The following ELMO1 variants were observed in gnomAD, a reference collection of about 807,000 sequenced individuals.
ELMO1 encodes the protein engulfment and cell motility 1.
In ELMO1, 26 loss-of-function variants were observed where a neutral mutation model predicts 98.9. The observed-to-expected ratio is 0.26, with a 90% CI of 0.19 to 0.36. ELMO1 has a LOEUF of 0.36. Ranked by LOEUF, ELMO1 falls within the 10% of genes least tolerant of loss-of-function variation. The pLI is 1.00. For synonymous variants in ELMO1, 346 were observed against 346.0 expected (o/e 1.00, Z 0.00); for missense variants, 627 against 935.2 (o/e 0.67, Z 4.30).
chr7:36,873,705 C>A (rs956549841), intron 19 of ELMO1, among the ~76,000 whole-genome samples: 4 of 152,244 alleles, frequency 2.6e-5, no homozygotes, highest in Admixed American at 2.0e-4. Flanking sequence ...CCCCCCAAAT[C>A]ATGCTGAGCA....
At chr7:37,145,003 GTCT>G (rs1172629121) in intron 13 of ELMO1, among the ~76,000 whole-genome samples, 2 of 152,272 alleles carry the variant, frequency 1.3e-5, no homozygotes, top group Non-Finnish European at 2.9e-5. Flanking sequence ...ATCTAGGCTG[GTCT>G]TCTTATTTTA....
At chr7:36,881,393 G>A (rs946618758) in intron 18 of ELMO1, among the ~76,000 whole-genome samples, 2 of 152,194 alleles carry the variant, frequency 1.3e-5, no homozygotes, top group African/African-American at 4.8e-5. Flanking sequence ...CAAGACAAAT[G>A]TGTATTTTCC....
chr7:37,161,124 C>T (rs985158831), intron 13 of ELMO1, among the ~76,000 whole-genome samples: 2 of 152,144 alleles, frequency 1.3e-5, no homozygotes, highest in African/African-American at 4.8e-5. Flanking sequence ...AGGCAGCTGT[C>T]GACTATGAGC....
At chr7:37,165,157 G>C (rs954384211) in intron 13 of ELMO1, among the ~76,000 whole-genome samples, 10 of 152,210 alleles carry the variant, frequency 6.6e-5, no homozygotes, top group African/African-American at 2.4e-4. Context: ...TGGTATACAA[G>C]AATGCTTGTG....
At chr7:37,115,071 A>G (rs1182408688) in intron 14 of ELMO1, among the ~76,000 whole-genome samples, 1 of 152,224 alleles carries the variant, frequency 6.6e-6, no homozygotes, top group African/African-American at 2.4e-5. Context: ...CAATCTGAAG[A>G]GACCTATATC....
At chr7:37,192,816 G>A (rs1286680032) in intron 13 of ELMO1, among the ~76,000 whole-genome samples, 9 of 131,204 alleles carry the variant, frequency 6.9e-5, no homozygotes, top group Admixed American at 3.1e-4. Flanking sequence ...AAAAAAAAAT[G>A]TGTGTGTGTG....
chr7:36,934,333 G>A (rs1285459054), intron 16 of ELMO1, among the ~76,000 whole-genome samples: 4 of 152,196 alleles, frequency 2.6e-5, no homozygotes, highest in African/African-American at 9.6e-5. Flanking sequence ...GGGAAAGTGA[G>A]GCAAGGGCTG....
intron 1 of ELMO1, among the ~76,000 whole-genome samples, chr7:37,390,941 G>A (rs1803042537): frequency 6.6e-6 from 1 of 152,182 alleles, no homozygotes; most frequent in Non-Finnish European, 1.5e-5. Context: ...AACTGAATAT[G>A]TGATAGAGGG....
rs770868534 is a variant in ELMO1 at position 36,894,937 on chromosome 7, C to A, written c.1518G>T (p.Leu506=). The change falls in exon 17 of 22, where the codon CTG becomes CTT. Residue 506 remains leucine, a synonymous_variant. Transcript: ENST00000310758. ...PSSLDQFKSK[L]QNLSYTEILK... The stretch of plus-strand genomic sequence containing the variant: ...GGATCTCAGTGTAGCTCAGGTTCTG[C>A]AGTTTGCTCTTGAACTGGTCCAGGG... 1 of 1,614,138 alleles carries A rather than the reference C, an allele frequency of 6.2e-7. No homozygotes were observed. Among genetic ancestry groups the A allele is most frequent in the South Asian group, 1.1e-5 (1 of 91,090 alleles).
chr7:36,986,270 A>G, intron 16 of ELMO1: 1 of 985,252 alleles, frequency 1.0e-6, no homozygotes, highest in Non-Finnish European at 1.2e-6. Flanking sequence ...TTTATTTAGC[A>G]TCTTCAGAGA....
At chr7:37,278,797 G>T (rs1796987537) in intron 4 of ELMO1, among the ~76,000 whole-genome samples, 1 of 152,160 alleles carries the variant, frequency 6.6e-6, no homozygotes, top group African/African-American at 2.4e-5. Context: ...CCCTCAACAA[G>T]GTGAGCAACA....
At chr7:37,178,657 A>T (rs1406294678) in intron 13 of ELMO1, among the ~76,000 whole-genome samples, 2 of 152,090 alleles carry the variant, frequency 1.3e-5, no homozygotes, top group Non-Finnish European at 2.9e-5. Context: ...AAAGATATTT[A>T]AAACCACACA....
intron 1 of ELMO1, among the ~76,000 whole-genome samples, chr7:37,443,104 G>A (rs576810085): frequency 2.2e-4 from 34 of 152,154 alleles, no homozygotes; most frequent in African/African-American, 6.3e-4. Flanking sequence ...GAAAAATGTC[G>A]CATTGATCCT....
chr7:37,279,893 C>G (rs1797051615), intron 4 of ELMO1, among the ~76,000 whole-genome samples: 1 of 152,180 alleles, frequency 6.6e-6, no homozygotes, highest in Admixed American at 6.5e-5. Flanking sequence ...TGACAACCTG[C>G]ATGACTCAAC....
intron 1 of ELMO1, among the ~76,000 whole-genome samples, chr7:37,364,716 T>G (rs1381781356): frequency 6.6e-6 from 1 of 152,148 alleles, no homozygotes. Flanking sequence ...GAGAGCAAAC[T>G]CAAGTGCTTT....
intron 15 of ELMO1, among the ~76,000 whole-genome samples, chr7:37,050,511 G>C (rs79888159): frequency 6.6e-6 from 1 of 151,892 alleles, no homozygotes; most frequent in African/African-American, 2.4e-5. Flanking sequence ...GGGAGTGCAC[G>C]CAAATCTGGG....
chr7:37,084,016 G>A (rs1208937201), intron 15 of ELMO1, among the ~76,000 whole-genome samples: 4 of 152,178 alleles, frequency 2.6e-5, no homozygotes, highest in Non-Finnish European at 4.4e-5. Flanking sequence ...GGAGGCAGTT[G>A]GGGATATAAT....
chr7:37,269,433 T>C (rs1457267760), intron 5 of ELMO1: 5 of 141,938 alleles, frequency 3.5e-5, no homozygotes, highest in African/African-American at 1.3e-4. Flanking sequence ...CTCCTATCTT[T>C]TTTTTTTTTT....
At chr7:37,016,658 G>A (rs923789217) in intron 15 of ELMO1, among the ~76,000 whole-genome samples, 2 of 152,140 alleles carry the variant, frequency 1.3e-5, no homozygotes, top group Non-Finnish European at 2.9e-5. Flanking sequence ...GAGAACACTC[G>A]GCCATGAGAT....
Sources: gnomAD v4.1 joint callset for allele counts (sites outside exome capture counted in the v4.1 genomes callset) on GRCh38, gnomAD v4.1.1 for gene constraint, MANE v1.5 for transcripts, NCBI Gene and HGNC (gene_info 2026-07-23, HGNC 2026-07-21) for gene names.